The following COX10 variants were observed in gnomAD, a reference collection of about 807,000 sequenced individuals.
COX10 encodes cytochrome c oxidase assembly factor heme A:farnesyltransferase COX10.
Under a neutral mutation model 37.3 loss-of-function variants are expected in COX10, and 27 were observed. That is an observed-to-expected ratio of 0.72 (90% CI 0.53 to 1.00). COX10 has a LOEUF of 1.00. COX10 is among the 50% of genes least tolerant of loss of function. The pLI, the probability that COX10 is intolerant of heterozygous loss-of-function variation, is 0.00. For missense variants in COX10, 475 were observed against 563.2 expected, an observed-to-expected ratio of 0.84 and a Z score of 1.59; for synonymous variants, 222 against 229.1, an observed-to-expected ratio of 0.97 and a Z score of 0.28.
At chr17:14,075,865 G>A (rs1242276889) in intron 2 of COX10, among the ~76,000 whole-genome samples, 1 of 151,656 alleles carries the variant, frequency 6.6e-6, no homozygotes, top group Non-Finnish European at 1.5e-5. Flanking sequence ...GGTGGCGGGT[G>A]CCTGTAGTCC....
At chr17:14,082,679 AAATT>A (rs937715091) in intron 3 of COX10, among the ~76,000 whole-genome samples, 11 of 152,292 alleles carry the variant, frequency 7.2e-5, no homozygotes, top group East Asian at 5.8e-4. Context: ...AAATCTCAAG[AAATT>A]AATTAATTAA....
At chr17:14,130,029 A>G (rs1916428846) in intron 4 of COX10, among the ~76,000 whole-genome samples, 1 of 152,016 alleles carries the variant, frequency 6.6e-6, no homozygotes, top group Non-Finnish European at 1.5e-5. Flanking sequence ...TTCCTGGGAG[A>G]ATGTAGTGAA....
At chr17:14,099,938 C>T (rs1386797990) in intron 3 of COX10, among the ~76,000 whole-genome samples, 1 of 152,162 alleles carries the variant, frequency 6.6e-6, no homozygotes. Context: ...TCATTCCTTT[C>T]CATGTCACCC....
intron 4 of COX10, among the ~76,000 whole-genome samples, chr17:14,114,468 A>G (rs954741110): frequency 3.9e-5 from 6 of 152,138 alleles, no homozygotes; most frequent in African/African-American, 1.4e-4. Flanking sequence ...TGCATTCTAA[A>G]TGTCAGTATA....
At chr17:14,125,776 T>C (rs1223323562) in intron 4 of COX10, among the ~76,000 whole-genome samples, 2 of 152,168 alleles carry the variant, frequency 1.3e-5, no homozygotes, top group Non-Finnish European at 2.9e-5. Flanking sequence ...GCACAGTGTC[T>C]GAACTCACAG....
chr17:14,126,042 G>T (rs1916336283), intron 4 of COX10, among the ~76,000 whole-genome samples: 1 of 152,110 alleles, frequency 6.6e-6, no homozygotes. Flanking sequence ...GTGTCAATTA[G>T]AAAAATGCTT....
intron 6 of COX10, among the ~76,000 whole-genome samples, chr17:14,196,084 T>C (rs1201970488): frequency 2.6e-5 from 4 of 152,114 alleles, no homozygotes; most frequent in Non-Finnish European, 5.9e-5. Context: ...TCTTCTGTGG[T>C]ATTGCCAAGC....
At chr17:14,125,542 T>G (rs1176486146) in intron 4 of COX10, among the ~76,000 whole-genome samples, 1 of 152,160 alleles carries the variant, frequency 6.6e-6, no homozygotes, top group Non-Finnish European at 1.5e-5. Context: ...CAAATACATT[T>G]GAGAGAGGAT....
intron 6 of COX10, among the ~76,000 whole-genome samples, chr17:14,193,753 C>T (rs368952995): frequency 0.059 from 8,629 of 145,482 alleles, 6 homozygotes; most frequent in Non-Finnish European, 0.088. Flanking sequence ...TTCCTTAGTT[C>T]CACCTGGAGC....
intron 4 of COX10, among the ~76,000 whole-genome samples, chr17:14,148,698 A>C (rs1320703322): frequency 6.6e-6 from 1 of 152,144 alleles, no homozygotes; most frequent in Non-Finnish European, 1.5e-5. Flanking sequence ...TCTAGAATAC[A>C]TCTGCCTTTT....
chr17:14,190,996 AATCCAGCAGGGT>A, intron 5 of COX10, among the ~76,000 whole-genome samples: 1 of 152,254 alleles, frequency 6.6e-6, no homozygotes, highest in Non-Finnish European at 1.5e-5. Flanking sequence ...TGGAATCTGT[AATCCAGCAGGGT>A]CACTGAACAC....
chr17:14,116,676 C>T (rs1916120630), intron 4 of COX10, among the ~76,000 whole-genome samples: 2 of 151,146 alleles, frequency 1.3e-5, no homozygotes, highest in South Asian at 4.2e-4. Flanking sequence ...CACACACACA[C>T]GTGTTAGCTG....
chr17:14,195,346 G>C (rs2142265433), intron 6 of COX10, among the ~76,000 whole-genome samples: 1 of 152,290 alleles, frequency 6.6e-6, no homozygotes, highest in South Asian at 2.1e-4. Context: ...ATATTGCTAA[G>C]TCATCTTCTA....
At position 14,154,526 on chromosome 17, in the gene COX10, G is replaced by A. The variant is rs146417226; in HGVS notation, c.625-5351G>A. Reference sequence around the variant, plus strand: ...AAGTGGTTCAGACAAGTGCCATGGGGATTGAAAGGAGAGAGGGATAACATT... The same window carrying A: ...AAGTGGTTCAGACAAGTGCCATGGGAATTGAAAGGAGAGAGGGATAACATT... On this transcript the variant is annotated intron_variant, in intron 4 of 6. Coordinates refer to ENST00000261643, the MANE Select transcript of COX10 (RefSeq NM_001303.4). Among the ~76,000 whole-genome samples, 579 of 152,344 alleles carry A rather than the reference G, an allele frequency of 3.8e-3. 16 individuals carry two copies. The highest frequency in any genetic ancestry group is 0.032 in the Admixed American group (496 of 15,310).
At chr17:14,116,660 CACA>C (rs1916120078) in intron 4 of COX10, among the ~76,000 whole-genome samples, 2 of 151,302 alleles carry the variant, frequency 1.3e-5, no homozygotes, top group East Asian at 3.9e-4. Context: ...CATGTACACA[CACA>C]CACACACACA....
chr17:14,173,316 A>G (rs1239333275), intron 5 of COX10, among the ~76,000 whole-genome samples: 1 of 152,266 alleles, frequency 6.6e-6, no homozygotes, highest in Non-Finnish European at 1.5e-5. Context: ...TAAAGATACC[A>G]AAGAAGGAAT....
intron 4 of COX10, among the ~76,000 whole-genome samples, chr17:14,158,233 G>A (rs1220070933): frequency 1.3e-5 from 2 of 150,842 alleles, no homozygotes; most frequent in African/African-American, 4.9e-5. Context: ...CTAAGACATC[G>A]TAAAAAAAAA....
chr17:14,075,991 CAAAAA>C (rs71147838), intron 2 of COX10, among the ~76,000 whole-genome samples: 1 of 83,428 alleles, frequency 1.2e-5, no homozygotes, highest in Admixed American at 1.3e-4. Flanking sequence ...GGCTCCATCT[CAAAAA>C]AAAAAAAAAA....
intron 5 of COX10, among the ~76,000 whole-genome samples, chr17:14,174,523 C>T (rs1230320116): frequency 6.7e-6 from 1 of 150,230 alleles, no homozygotes; most frequent in Non-Finnish European, 1.5e-5. Context: ...GAAATACAGG[C>T]GTTAAATAAG....
Sources: allele counts gnomAD v4.1 joint callset (sites outside exome capture counted in the v4.1 genomes callset), GRCh38; gene constraint gnomAD v4.1.1; transcripts MANE v1.5; gene names NCBI Gene and HGNC (gene_info 2026-07-23, HGNC 2026-07-21).